The following MAGI2 variants were observed in gnomAD, a reference collection of about 807,000 sequenced individuals.
MAGI2 encodes membrane associated guanylate kinase, WW and PDZ domain containing 2, also known as membrane-associated guanylate kinase, WW and PDZ domain-containing protein 2.
A neutral mutation model predicts 133.3 loss-of-function variants in MAGI2; 35 were observed. The ratio of observed to expected loss-of-function variants is 0.26; its 90% CI spans 0.20 to 0.35. The LOEUF (loss-of-function observed/expected upper bound fraction) is 0.35, where lower values mean the gene tolerates loss of function less well. MAGI2 is among the 10% of genes least tolerant of loss of function. The pLI is 1.00. For synonymous variants in MAGI2, 729 were observed against 710.6 expected (o/e 1.03, Z -0.41); for missense variants, 1,636 against 1,863.4 (o/e 0.88, Z 2.25).
chr7:78,632,398 A>G (rs966618436), intron 2 of MAGI2, among the ~76,000 whole-genome samples: 1 of 152,194 alleles, frequency 6.6e-6, no homozygotes, highest in Non-Finnish European at 1.5e-5. Flanking sequence ...AGAGACTGTG[A>G]GAAAAAGACC....
At chr7:78,378,080 T>G (rs1446987747) in intron 6 of MAGI2, among the ~76,000 whole-genome samples, 1 of 151,930 alleles carries the variant, frequency 6.6e-6, no homozygotes, top group Non-Finnish European at 1.5e-5. Flanking sequence ...TAAAAGATAG[T>G]TGACAAAAAT....
intron 2 of MAGI2, among the ~76,000 whole-genome samples, chr7:78,681,545 C>A (rs1165232339): frequency 6.6e-6 from 1 of 152,076 alleles, no homozygotes; most frequent in African/African-American, 2.4e-5. Context: ...AGATTAGAAC[C>A]AATAGAACCA....
chr7:78,488,892 T>C (rs2150487600), intron 6 of MAGI2, among the ~76,000 whole-genome samples: 1 of 152,188 alleles, frequency 6.6e-6, no homozygotes, highest in South Asian at 2.1e-4. Flanking sequence ...TTAAAAACTT[T>C]GTTTAACGTT....
chr7:78,480,511 C>T (rs1792247730), intron 6 of MAGI2, among the ~76,000 whole-genome samples: 1 of 151,690 alleles, frequency 6.6e-6, no homozygotes, highest in Non-Finnish European at 1.5e-5. Context: ...TTAAATAAAA[C>T]AGTATATGAA....
intron 1 of MAGI2, among the ~76,000 whole-genome samples, chr7:79,042,930 C>A (rs1463833592): frequency 6.6e-6 from 1 of 152,006 alleles, no homozygotes; most frequent in African/African-American, 2.4e-5. Context: ...ACCAAGAAGA[C>A]CCCTCAAAAC....
chr7:78,645,681 C>T (rs1319560), intron 2 of MAGI2, among the ~76,000 whole-genome samples: 9 of 149,456 alleles, frequency 6.0e-5, no homozygotes, highest in Admixed American at 4.0e-4. Flanking sequence ...ATACCATTTA[C>T]GTGAAGTTTT....
At chr7:79,023,721 C>A (rs538953648) in intron 1 of MAGI2, among the ~76,000 whole-genome samples, 1 of 152,164 alleles carries the variant, frequency 6.6e-6, no homozygotes, top group Admixed American at 6.5e-5. Context: ...ATTGAGACTG[C>A]AATTCCATTC....
At chr7:79,100,277 C>T (rs2129543142) in intron 1 of MAGI2, among the ~76,000 whole-genome samples, 1 of 152,186 alleles carries the variant, frequency 6.6e-6, no homozygotes, top group Admixed American at 6.5e-5. Flanking sequence ...AAACTGCCTA[C>T]ATAAATATGC....
intron 6 of MAGI2, among the ~76,000 whole-genome samples, chr7:78,389,806 C>A (rs1357171271): frequency 6.6e-6 from 1 of 152,042 alleles, no homozygotes; most frequent in Non-Finnish European, 1.5e-5. Flanking sequence ...CCCTTGATTG[C>A]CCTAACACAG....
At chr7:79,134,665 T>C (rs562571467) in intron 1 of MAGI2, among the ~76,000 whole-genome samples, 9 of 152,338 alleles carry the variant, frequency 5.9e-5, no homozygotes, top group African/African-American at 1.9e-4. Context: ...AAATAACCAA[T>C]GAATTCTATG....
chr7:78,129,883 C>T (rs1192427385), intron 18 of MAGI2, among the ~76,000 whole-genome samples: 1 of 136,410 alleles, frequency 7.3e-6, no homozygotes, highest in Non-Finnish European at 1.5e-5. Context: ...TGCGGTGAGC[C>T]GAGATTGCAC....
Position 78,538,002 on chromosome 7 carries a change from T to A in MAGI2, c.539-16357A>T, listed in dbSNP as rs557781024. ...TTAGATTTAAGTGTTTCTTCTATCT[T>A]GAGTTGATTTTTGTATAAGGAGAGA... On this transcript the variant is annotated intron_variant, in intron 3 of 21. Transcript: ENST00000354212. Among the ~76,000 whole-genome samples, 3 of 152,320 alleles carry A rather than the reference T, an allele frequency of 2.0e-5. No individual in the cohort carries two copies. In the East Asian group the frequency reaches 5.8e-4, roughly 29 times the overall value.
At chr7:78,196,623 T>G (rs1274783228) in intron 11 of MAGI2, among the ~76,000 whole-genome samples, 1 of 152,126 alleles carries the variant, frequency 6.6e-6, no homozygotes, top group Non-Finnish European at 1.5e-5. Flanking sequence ...TACTCCAGTG[T>G]TTTTTAAACT....
At chr7:78,816,793 G>T (rs1789622143) in intron 2 of MAGI2, among the ~76,000 whole-genome samples, 1 of 152,152 alleles carries the variant, frequency 6.6e-6, no homozygotes, top group Non-Finnish European at 1.5e-5. Context: ...GGTCACCCAA[G>T]AACTCTGTTG....
At chr7:78,072,427 C>G (rs993239649) in intron 21 of MAGI2, 1 of 152,346 alleles carries the variant, frequency 6.6e-6, no homozygotes, top group African/African-American at 2.4e-5. Context: ...TCACTGAGGA[C>G]CAGGACTACA....
chr7:78,937,114 G>A (rs953888611), intron 2 of MAGI2, among the ~76,000 whole-genome samples: 3 of 151,892 alleles, frequency 2.0e-5, no homozygotes, highest in African/African-American at 7.3e-5. Context: ...GGCTTTCAGT[G>A]CCAGAAAATA....
At chr7:79,043,521 T>A (rs548121784) in intron 1 of MAGI2, among the ~76,000 whole-genome samples, 17 of 112,830 alleles carry the variant, frequency 1.5e-4, no homozygotes, top group Admixed American at 2.8e-4. Flanking sequence ...CCAGCCTGGG[T>A]GACAGAGTGA....
intron 1 of MAGI2, among the ~76,000 whole-genome samples, chr7:79,392,290 G>C (rs906585120): frequency 1.3e-5 from 2 of 152,094 alleles, no homozygotes; most frequent in African/African-American, 4.8e-5. Context: ...CCATGTCTTT[G>C]CTATTGGAGA....
intron 9 of MAGI2, among the ~76,000 whole-genome samples, chr7:78,274,344 C>T (rs997005110): frequency 6.6e-6 from 1 of 152,166 alleles, no homozygotes. Context: ...CAGATGCCAG[C>T]CATAGCTCTC....
Sources: allele counts gnomAD v4.1 joint callset (sites outside exome capture counted in the v4.1 genomes callset), GRCh38; gene constraint gnomAD v4.1.1; transcripts MANE v1.5; gene names NCBI Gene and HGNC (gene_info 2026-07-23, HGNC 2026-07-21).